MR1: variants seen among roughly 807,000 people sequenced by gnomAD.
MR1 encodes the protein major histocompatibility complex, class I-related.
A neutral mutation model predicts 37.8 loss-of-function variants in MR1; 44 were observed. The ratio of observed to expected loss-of-function variants is 1.16; its 90% confidence interval spans 0.91 to 1.50. The LOEUF (loss-of-function observed/expected upper bound fraction) is 1.50. Among genes scored for constraint, MR1 ranks in the 40% most tolerant of loss-of-function variants. MR1 has a pLI of 0.00. For synonymous variants in MR1, 153 were observed against 155.8 expected (o/e 0.98, Z 0.13); for missense variants, 386 against 419.1 (o/e 0.92, Z 0.69).
chr1:181,053,043 C>A (rs146703369), intron 4 of MR1, among the ~76,000 whole-genome samples: 1 of 151,666 alleles, frequency 6.6e-6, no homozygotes, highest in African/African-American at 2.4e-5. Flanking sequence ...CCAGCCTGTG[C>A]GAAGGGAGCA....
rs1657143507 is a variant in MR1 at position 181,034,036 on chromosome 1, C to T, written c.29C>T (p.Pro10Leu). The T allele has an allele frequency of 3.1e-6, 5 of 1,613,022 alleles. No homozygotes were observed. Among genetic ancestry groups the T allele is most frequent in the Admixed American group, 3.4e-5 (2 of 59,696 alleles). ...GGGGAACTGATGGCGTTCCTGTTAC[C>T]TCTCATCATTGTGTTAATGGTGAAG... MGELMAFLL[P>L]LIIVLMVKHS... The change falls in exon 1 of 6, where the codon CCT becomes CTT. Residue 10 changes from proline (P) to leucine (L), a missense_variant. Transcript: ENST00000367580.
At chr1:181,043,694 C>T (rs964197009) in intron 1 of MR1, among the ~76,000 whole-genome samples, 5 of 152,156 alleles carry the variant, frequency 3.3e-5, no homozygotes, top group African/African-American at 1.2e-4. Context: ...GAGTAAAACC[C>T]TGTCATACAC....
chr1:181,052,352 A>T lies in MR1; in HGVS notation c.722A>T (p.Glu241Val). The T allele has an allele frequency of 6.2e-7, 1 of 1,614,174 alleles. No homozygotes were observed. The highest frequency in any genetic ancestry group is 8.5e-7 in the Non-Finnish European group (1 of 1,180,032). The change falls in exon 4 of 6, where the codon GAA (glutamate) becomes GTA (valine). Residue 241 changes from glutamate to valine, a missense_variant. Physicochemically the swap from Glu to Val is moderately radical, Grantham distance 121. Coordinates refer to ENST00000367580, the MANE Select transcript of MR1 (RefSeq NM_001385161.1). ...EIYMTWMKNG[E>V]EIVQEIDYGD... ...TACATGACATGGATGAAAAACGGGG[A>T]AGAAATTGTCCAAGAAATTGATTAT... is the stretch of plus-strand genomic sequence containing the variant.
At chr1:181,039,865 C>CA (rs35762032) in intron 1 of MR1, among the ~76,000 whole-genome samples, 34,750 of 89,274 alleles carry the variant, frequency 0.39, 5,548 homozygotes, top group African/African-American at 0.52. Context: ...GACTCCATCT[C>CA]AAAAAAAAAA....
chr1:181,048,640 T>G (rs548782120), intron 1 of MR1, among the ~76,000 whole-genome samples: 1 of 152,302 alleles, frequency 6.6e-6, no homozygotes, highest in East Asian at 1.9e-4. Flanking sequence ...CACCAGAGGC[T>G]TCTTTGGTAA....
At chr1:181,054,255 C>T (rs1658483261) in intron 5 of MR1, among the ~76,000 whole-genome samples, 1 of 152,204 alleles carries the variant, frequency 6.6e-6, no homozygotes, top group African/African-American at 2.4e-5. Flanking sequence ...AGTAAGTATA[C>T]ATTAATGACC....
At position 181,047,729 on chromosome 1, in the gene MR1, C is replaced by G. The variant is rs1288869714; in HGVS notation, c.68-1323C>G. On this transcript the variant is annotated intron_variant, in intron 1 of 5. Transcript: ENST00000367580. ...TGGTCAATATGGTGAAACCCCATCT[C>G]TACTTTAAAAATATACAAAAATTAG... is the stretch of plus-strand genomic sequence containing the variant. Among the ~76,000 whole-genome samples, 4 of 150,508 alleles carry G rather than the reference C, an allele frequency of 2.7e-5. No individual in the cohort carries two copies. The South Asian group carries it at 6.3e-4, about 24-fold the overall frequency.
chr1:181,061,695 A>T lies in MR1; in HGVS notation c.*6430A>T, dbSNP rs1320812177. The stretch of plus-strand genomic sequence containing the variant: ...TCTGTTTGCATGATGCCTTGTACGT[A>T]GTAGCAACTCAGTAAATACTTTTTG... On this transcript the variant is annotated 3_prime_UTR_variant, in exon 6 of 6. Transcript: ENST00000367580. 2 of 152,238 alleles carry T rather than the reference A, an allele frequency of 1.3e-5. No individual in the cohort carries two copies. The highest frequency in any genetic ancestry group is 1.3e-4 in the Admixed American group (2 of 15,274). 9.4% of individuals were successfully genotyped at this position (152,238 alleles called of 1,614,324 possible). A position where few individuals can be genotyped will look rare whatever the true frequency, so the allele number is the denominator to read the frequency against.
At chr1:181,034,154 GT>G in intron 1 of MR1, 80 bp downstream of exon 1, 11 of 1,428,664 alleles carry the variant, frequency 7.7e-6, no homozygotes, top group Non-Finnish European at 1.1e-5. Flanking sequence ...CCTAAAACTT[GT>G]GGTGAAAAAT....
At chr1:181,050,332 G>A in intron 3 of MR1, 46 bp downstream of exon 3, 1 of 1,607,710 alleles carries the variant, frequency 6.2e-7, no homozygotes, top group Non-Finnish European at 8.5e-7. Flanking sequence ...CTGAACAACT[G>A]TTTTTATACG....
At chr1:181,045,442 C>A (rs1657798882) in intron 1 of MR1, among the ~76,000 whole-genome samples, 1 of 152,040 alleles carries the variant, frequency 6.6e-6, no homozygotes, top group African/African-American at 2.4e-5. Context: ...TCCAGACGTC[C>A]CAGGCCATTT....
chr1:181,045,777 CT>C (rs946637306), intron 1 of MR1, among the ~76,000 whole-genome samples: 2 of 152,238 alleles, frequency 1.3e-5, no homozygotes, highest in African/African-American at 4.8e-5. Flanking sequence ...GTGGGAGCCC[CT>C]TTCTGGGCTG....
rs1451711131 is a variant in MR1 at position 181,049,056 on chromosome 1, G to A, written c.72G>A (p.Thr24=). The part of the protein sequence containing the change: ...VLMVKHSDSR[T]HSLRYFRLGV... ...CCTTCTTTGCCTCCTTTCCAGGGAC[G>A]CACTCTCTGAGATATTTTCGCCTGG... Residue 24 remains threonine, a synonymous_variant, in exon 2 of 6, where the codon ACG becomes ACA. Transcript: ENST00000367580. 19 of 1,613,322 alleles carry A rather than the reference G, an allele frequency of 1.2e-5. No homozygotes were observed. Among genetic ancestry groups the A allele is most frequent in the East Asian group, 6.7e-5 (3 of 44,896 alleles).
chr1:181,050,598 C>A, intron 3 of MR1: 1 of 364,412 alleles, frequency 2.7e-6, no homozygotes, highest in Admixed American at 3.9e-5. Context: ...GGAGATAGAG[C>A]AATTCTTACA....
chr1:181,037,545 C>G (rs766471854), intron 1 of MR1, among the ~76,000 whole-genome samples: 2 of 152,182 alleles, frequency 1.3e-5, no homozygotes, highest in Non-Finnish European at 2.9e-5. Flanking sequence ...AATCCTCTTA[C>G]CCCACAGTAT....
intron 5 of MR1, 84 bp downstream of exon 5, chr1:181,053,761 C>T (rs1465728085): frequency 3.1e-6 from 3 of 980,290 alleles, no homozygotes; most frequent in Middle Eastern, 2.6e-4. Flanking sequence ...GCTGCTCCCT[C>T]CTCCATTCAG....
At chr1:181,034,516 A>G (rs2102352793) in intron 1 of MR1, among the ~76,000 whole-genome samples, 1 of 152,284 alleles carries the variant, frequency 6.6e-6, no homozygotes, top group Non-Finnish European at 1.5e-5. Flanking sequence ...TAAAAGATCC[A>G]AGAAAGATAA....
intron 2 of MR1, 99 bp downstream of exon 2, chr1:181,049,411 T>C: frequency 7.0e-7 from 1 of 1,422,062 alleles, no homozygotes; most frequent in Non-Finnish European, 9.4e-7. Flanking sequence ...TTGCACCTGC[T>C]GTAGCTTTGG....
At chr1:181,039,724 A>G (rs1407208265) in intron 1 of MR1, among the ~76,000 whole-genome samples, 1 of 151,778 alleles carries the variant, frequency 6.6e-6, no homozygotes, top group African/African-American at 2.4e-5. Context: ...AAATTAGCTG[A>G]GTGTAGTGGT....
Sources: gnomAD v4.1 joint callset for allele counts (sites outside exome capture counted in the v4.1 genomes callset) on GRCh38, gnomAD v4.1.1 for gene constraint, MANE v1.5 for transcripts, NCBI Gene and HGNC (gene_info 2026-07-23, HGNC 2026-07-21) for gene names.